The following NUP98 variants were observed in gnomAD, a reference collection of about 807,000 sequenced individuals.
NUP98 encodes nuclear pore complex protein Nup98-Nup96.
Under a neutral mutation model 191.9 loss-of-function variants are expected in NUP98, and 26 were observed. That is an observed-to-expected ratio of 0.14 (90% confidence interval 0.10 to 0.19). The LOEUF (loss-of-function observed/expected upper bound fraction) is 0.19, where lower values mean the gene tolerates loss of function less well. Among genes scored for constraint, NUP98 ranks in the 10% least tolerant of loss-of-function variants. The probability of loss-of-function intolerance (pLI) is 1.00; values close to 1 mark genes in which losing one functional copy is unlikely to be tolerated. For missense variants in NUP98, 1,941 were observed against 2,178.8 expected (o/e 0.89, Z 2.17); for synonymous variants, 808 against 778.4 (o/e 1.04, Z -0.63).
intron 8 of NUP98, among the ~76,000 whole-genome samples, chr11:3,766,101 AC>A (rs2081329381): frequency 6.6e-6 from 1 of 152,180 alleles, no homozygotes; most frequent in African/African-American, 2.4e-5. Flanking sequence ...AAAGCCAGGT[AC>A]AGCTGCTCAC....
intron 17 of NUP98, among the ~76,000 whole-genome samples, chr11:3,719,790 G>A (rs1589801856): frequency 7.1e-6 from 1 of 141,340 alleles, no homozygotes; most frequent in East Asian, 2.0e-4. Context: ...TTTTTGGCAA[G>A]GTCTTGTTCT....
intron 20 of NUP98, among the ~76,000 whole-genome samples, chr11:3,711,093 A>G (rs569241059): frequency 2.6e-5 from 4 of 152,050 alleles, no homozygotes; most frequent in Non-Finnish European, 5.9e-5. Flanking sequence ...TAAAAATACA[A>G]AAAATTAGAT....
At position 3,707,738 on chromosome 11, in the gene NUP98, C is replaced by CAA. The variant is rs560101220; in HGVS notation, c.2743-1113_2743-1112dup. On this transcript the variant is annotated intron_variant, in intron 20 of 32. Coordinates refer to ENST00000324932, the MANE Select transcript of NUP98 (RefSeq NM_016320.5). ...TGGGCAACAGAATGAGACTCTGTCT[C>CAA]AAAAAAAAAAAAAAAATCCTGAAGG... Among the ~76,000 whole-genome samples the CAA allele has an allele frequency of 1.4e-3, 68 of 48,568 alleles. 8 individuals carry two copies. The highest frequency in any genetic ancestry group is 6.0e-3 in the African/African-American group (54 of 8,934). The allele number at this position is 48,568 out of a possible 152,430, so 31.9% of individuals were successfully genotyped here.
At chr11:3,697,225 A>C (rs2134086401) in intron 25 of NUP98, 1 of 152,264 alleles carries the variant, frequency 6.6e-6, no homozygotes, top group African/African-American at 2.4e-5. Flanking sequence ...CAGCCTGGTC[A>C]ACATACAGAC....
chr11:3,754,116 CCT>C (rs1327708444), intron 10 of NUP98, among the ~76,000 whole-genome samples: 1 of 151,950 alleles, frequency 6.6e-6, no homozygotes, highest in Non-Finnish European at 1.5e-5. Context: ...ATTAATTCCC[CCT>C]AACTTGTACT....
chr11:3,787,972 C>G (rs577832574), intron 1 of NUP98, among the ~76,000 whole-genome samples: 4 of 151,956 alleles, frequency 2.6e-5, no homozygotes, highest in African/African-American at 9.7e-5. Context: ...AGCCTGGCGA[C>G]GGAGCCAGAG....
At chr11:3,792,937 C>G (rs2082404584) in intron 1 of NUP98, among the ~76,000 whole-genome samples, 2 of 151,994 alleles carry the variant, frequency 1.3e-5, no homozygotes. Context: ...TGGCGAAACC[C>G]CGTCTCTACT....
intron 8 of NUP98, among the ~76,000 whole-genome samples, chr11:3,767,065 A>G (rs1187920762): frequency 6.6e-6 from 1 of 152,114 alleles, no homozygotes; most frequent in Non-Finnish European, 1.5e-5. Flanking sequence ...CCTGGGTTTA[A>G]GCAATTCTCC....
At chr11:3,774,240 A>T (rs952048660) in intron 5 of NUP98, among the ~76,000 whole-genome samples, 1 of 147,742 alleles carries the variant, frequency 6.8e-6, no homozygotes, top group Non-Finnish European at 1.5e-5. Flanking sequence ...TCTACTAAAA[A>T]ATAAAAAAAT....
chr11:3,728,936 A>C (rs1364001605), intron 14 of NUP98, among the ~76,000 whole-genome samples: 2 of 152,204 alleles, frequency 1.3e-5, no homozygotes, highest in Admixed American at 6.5e-5. Flanking sequence ...GACAAAGTCA[A>C]GGAAGATTCC....
chr11:3,677,435 AG>A (rs1220218214), intron 31 of NUP98, among the ~76,000 whole-genome samples: 7 of 136,214 alleles, frequency 5.1e-5, no homozygotes, highest in Non-Finnish European at 1.1e-4. Flanking sequence ...TTTTGGGAGA[AG>A]GGGGGTCTCG....
chr11:3,753,748 A>T (rs1404048499), intron 10 of NUP98, among the ~76,000 whole-genome samples: 2 of 111,376 alleles, frequency 1.8e-5, no homozygotes, highest in Admixed American at 2.0e-4. Flanking sequence ...CCGTCTCTAT[A>T]AAAATACAAA....
At chr11:3,780,629 T>C (rs1306795084) in intron 2 of NUP98, among the ~76,000 whole-genome samples, 1 of 151,960 alleles carries the variant, frequency 6.6e-6, no homozygotes, top group African/African-American at 2.4e-5. Flanking sequence ...AGAGGTTTGT[T>C]AGTCATGCTT....
chr11:3,761,623 G>C (rs2081171487), intron 9 of NUP98, among the ~76,000 whole-genome samples: 3 of 152,204 alleles, frequency 2.0e-5, no homozygotes. Context: ...GCTGGGCGCA[G>C]TGGCGGGCGC....
intron 1 of NUP98, among the ~76,000 whole-genome samples, chr11:3,786,328 T>C (rs1159469392): frequency 6.6e-6 from 1 of 152,224 alleles, no homozygotes; most frequent in Non-Finnish European, 1.5e-5. Flanking sequence ...ATGGGAGTTC[T>C]AGTCATCAGA....
intron 15 of NUP98, among the ~76,000 whole-genome samples, chr11:3,724,343 G>A (rs975087397): frequency 2.0e-5 from 3 of 151,558 alleles, no homozygotes; most frequent in Admixed American, 6.6e-5. Context: ...GCTGAGGCAG[G>A]AGAATTGCTT....
chr11:3,738,682 G>A (rs2080164782), intron 12 of NUP98, among the ~76,000 whole-genome samples: 1 of 142,544 alleles, frequency 7.0e-6, no homozygotes, highest in African/African-American at 2.6e-5. Context: ...AGGAGGCTGA[G>A]ACAGGAGAAT....
chr11:3,730,665 G>C lies in NUP98; in HGVS notation c.1730+726C>G, dbSNP rs115730540. On this transcript the variant is annotated intron_variant, in intron 14 of 32. Transcript: ENST00000324932. ...AGGTGTGAGCCACCATGCCCGGCCG[G>C]ATTACTGTATTTTTAGGGAAAGAAA... 4.0e-3 allele frequency among the ~76,000 whole-genome samples: 613 copies of C among 152,140 alleles called. 2 individuals carry two copies. The highest frequency in any genetic ancestry group is 0.014 in the African/African-American group (576 of 41,504).
At chr11:3,784,600 A>AC (rs2082080693) in intron 1 of NUP98, among the ~76,000 whole-genome samples, 1 of 149,446 alleles carries the variant, frequency 6.7e-6, no homozygotes, top group African/African-American at 2.5e-5. Context: ...AAAAAACAAA[A>AC]AAAAACAAAA....
Sources: allele counts gnomAD v4.1 joint callset (sites outside exome capture counted in the v4.1 genomes callset), GRCh38; gene constraint gnomAD v4.1.1; transcripts MANE v1.5; gene names NCBI Gene and HGNC (gene_info 2026-07-23, HGNC 2026-07-21).